DAB2IP: variants seen among roughly 807,000 people sequenced by gnomAD.
The protein encoded by DAB2IP is DAB2 interacting protein, also known as disabled homolog 2-interacting protein.
Under a neutral mutation model 107.2 loss-of-function variants are expected in DAB2IP, and 28 were observed. The observed-to-expected ratio is 0.26, with a 90% CI of 0.19 to 0.36. The LOEUF (loss-of-function observed/expected upper bound fraction) is 0.36, where lower values mean the gene tolerates loss of function less well. Among genes scored for constraint, DAB2IP ranks in the 10% least tolerant of loss-of-function variants. DAB2IP has a pLI of 1.00. For synonymous variants in DAB2IP, 755 were observed against 706.4 expected (o/e 1.07, Z -1.09); for missense variants, 1,400 against 1,644.7 (o/e 0.85, Z 2.57).
Position 121,702,958 on chromosome 9 carries a change from G to A in DAB2IP, c.362+3500G>A, listed in dbSNP as rs901672774. Among the ~76,000 whole-genome samples, 2 of 152,188 alleles carry A rather than the reference G, an allele frequency of 1.3e-5. No individual in the cohort carries two copies. The highest frequency in any genetic ancestry group is 6.5e-5 in the Admixed American group (1 of 15,282). On this transcript the variant is annotated intron_variant, in intron 3 of 15. Transcript: ENST00000408936. This position sits in a 1 kb window ranked among gnomAD's most constrained non-coding sequence, Gnocchi z 4.5. ...TCAAGCTCTTCCCAGTCATCCTGGT[G>A]CGGAGCTTAGCTCATAAATGCAGGC...
intron 1 of DAB2IP, among the ~76,000 whole-genome samples, chr9:121,572,092 A>AG (rs566703308): frequency 1.1e-3 from 167 of 152,232 alleles, no homozygotes; most frequent in Non-Finnish European, 1.8e-3. Context: ...TTTCCAAAGA[A>AG]GGGGGCAAGA....
At chr9:121,656,840 G>A (rs556245578) in intron 1 of DAB2IP, among the ~76,000 whole-genome samples, 76 of 152,340 alleles carry the variant, frequency 5.0e-4, no homozygotes, top group Middle Eastern at 3.4e-3. Flanking sequence ...AAGCCACACA[G>A]CTCAGAAATG....
chr9:121,658,441 G>A (rs948130709), intron 1 of DAB2IP, among the ~76,000 whole-genome samples: 6 of 152,244 alleles, frequency 3.9e-5, no homozygotes, highest in Non-Finnish European at 7.3e-5. Flanking sequence ...GTTTGAGAAT[G>A]AGCAGCCGAG....
intron 3 of DAB2IP, among the ~76,000 whole-genome samples, chr9:121,720,379 C>T (rs1047820043): frequency 1.3e-5 from 2 of 152,218 alleles, no homozygotes; most frequent in African/African-American, 2.4e-5. Context: ...GCACCTACTG[C>T]GTGCCGGGTG....
At chr9:121,607,487 G>T (rs10985331) in intron 1 of DAB2IP, among the ~76,000 whole-genome samples, 42,982 of 151,790 alleles carry the variant, frequency 0.28, 6,202 homozygotes, top group East Asian at 0.39. Context: ...ATTTTTTGTA[G>T]AGATGGGGTC....
At chr9:121,734,984 T>C (rs770360615) in intron 3 of DAB2IP, among the ~76,000 whole-genome samples, 10 of 152,114 alleles carry the variant, frequency 6.6e-5, no homozygotes, top group Non-Finnish European at 1.3e-4. Context: ...TCGCCTTCCT[T>C]GTTGGTTTGG....
At chr9:121,696,981 A>G (rs1829461011) in intron 2 of DAB2IP, among the ~76,000 whole-genome samples, 1 of 152,230 alleles carries the variant, frequency 6.6e-6, no homozygotes, top group Non-Finnish European at 1.5e-5. Flanking sequence ...CACTGTGTCT[A>G]GCACATAATG....
intron 11 of DAB2IP, among the ~76,000 whole-genome samples, chr9:121,771,997 A>C (rs981046543): frequency 3.3e-5 from 5 of 152,206 alleles, no homozygotes; most frequent in Non-Finnish European, 7.3e-5. Flanking sequence ...AATGAGGAGG[A>C]GGCCAGGGCA....
intron 1 of DAB2IP, among the ~76,000 whole-genome samples, chr9:121,601,886 T>TTG (rs141368984): frequency 1.1e-4 from 16 of 151,280 alleles, no homozygotes; most frequent in African/African-American, 2.4e-4. Context: ...ATACATGCCT[T>TTG]TGTGTGTGTG....
At chr9:121,675,629 G>A (rs1323351069) in intron 1 of DAB2IP, among the ~76,000 whole-genome samples, 1 of 152,226 alleles carries the variant, frequency 6.6e-6, no homozygotes, top group Non-Finnish European at 1.5e-5. Flanking sequence ...ACTTAAGGCT[G>A]AAGGAGCCAT....
chr9:121,678,753 C>A, exon 2 of DAB2IP: 2 of 1,598,686 alleles, frequency 1.3e-6, no homozygotes, highest in Admixed American at 1.7e-5. Flanking sequence ...AGCATGGAGC[C>A]CTCGGCCGCC....
chr9:121,668,844 ACAT>A (rs969735832), intron 1 of DAB2IP, among the ~76,000 whole-genome samples: 1 of 152,018 alleles, frequency 6.6e-6, no homozygotes, highest in African/African-American at 2.4e-5. Context: ...ACAAAGTAAA[ACAT>A]CATATTAATC....
chr9:121,736,166 A>C lies in DAB2IP; in HGVS notation c.363-20847A>C, dbSNP rs1323969036. Among the ~76,000 whole-genome samples the C allele has an allele frequency of 6.6e-6, 1 of 152,162 alleles. No individual in the cohort carries two copies. The highest frequency in any genetic ancestry group is 1.5e-5 in the Non-Finnish European group (1 of 68,030). On this transcript the variant is annotated intron_variant, in intron 3 of 15. Transcript: ENST00000408936. The surrounding 1 kb of genome is among the most constrained non-coding windows in gnomAD (Gnocchi z 4.6). ...CCTTGTCTGGACCTCAGTTGTGTTCACTTGTTAAAATGTTGGAATGGAAAT... is the reference window on the plus strand; with the variant it reads ...CCTTGTCTGGACCTCAGTTGTGTTCCCTTGTTAAAATGTTGGAATGGAAAT...
intron 1 of DAB2IP, among the ~76,000 whole-genome samples, chr9:121,586,675 C>A (rs540291473): frequency 6.6e-6 from 1 of 152,164 alleles, no homozygotes; most frequent in East Asian, 1.9e-4. Flanking sequence ...CCAAAATTAG[C>A]CAGGCAAGGT....
chr9:121,765,751 C>G (rs1834233214), intron 8 of DAB2IP, among the ~76,000 whole-genome samples: 1 of 152,196 alleles, frequency 6.6e-6, no homozygotes, highest in African/African-American at 2.4e-5. Context: ...AGGAAACCCA[C>G]TTAAGGGTTG....
At chr9:121,706,321 C>CT (rs1830056324) in intron 3 of DAB2IP, among the ~76,000 whole-genome samples, 1 of 152,196 alleles carries the variant, frequency 6.6e-6, no homozygotes, top group South Asian at 2.1e-4. Context: ...ACTGGCCACT[C>CT]TGTTTTCCCA....
At chr9:121,781,296 G>A (rs943573134) in intron 14 of DAB2IP, among the ~76,000 whole-genome samples, 168 bp from the exon 15 acceptor site, 3 of 152,136 alleles carry the variant, frequency 2.0e-5, no homozygotes, top group Admixed American at 6.5e-5. Context: ...GCTGGGAGTC[G>A]GCTGGAGGGC....
At chr9:121,586,227 A>C (rs1237584989) in intron 1 of DAB2IP, among the ~76,000 whole-genome samples, 1 of 152,232 alleles carries the variant, frequency 6.6e-6, no homozygotes, top group Non-Finnish European at 1.5e-5. Context: ...GTTATTAGCA[A>C]AATAATTCCC....
chr9:121,685,533 G>A (rs1235537300), intron 2 of DAB2IP, among the ~76,000 whole-genome samples: 1 of 152,254 alleles, frequency 6.6e-6, no homozygotes, highest in Admixed American at 6.5e-5. Context: ...CAGGCTTAGG[G>A]AGGAGAGAGG....
Sources: allele counts gnomAD v4.1 joint callset (sites outside exome capture counted in the v4.1 genomes callset), GRCh38; gene constraint gnomAD v4.1.1; non-coding constraint Gnocchi (gnomAD v3.1); transcripts MANE v1.5; gene names NCBI Gene and HGNC (gene_info 2026-07-23, HGNC 2026-07-21).